The following DUSP14 variants were observed in gnomAD, a reference collection of about 807,000 sequenced individuals.
DUSP14 encodes the protein dual specificity phosphatase 14.
DUSP14 carries 5 observed loss-of-function variants against 13.2 expected under a neutral mutation model. The observed-to-expected ratio is 0.38, with a 90% CI of 0.20 to 0.80. The LOEUF (loss-of-function observed/expected upper bound fraction) is 0.80. DUSP14 is among the 30% of genes least tolerant of loss of function. The probability of loss-of-function intolerance (pLI) is 0.44; values close to 1 mark genes in which losing one functional copy is unlikely to be tolerated. For synonymous variants in DUSP14, 91 were observed against 103.4 expected (o/e 0.88, Z 0.73); for missense variants, 185 against 264.0 (o/e 0.70, Z 2.07).
rs765280614 is a variant in DUSP14, at chr17:37,512,843, C to G, written c.571C>G (p.His191Asp). 6.2e-7 allele frequency: 1 copy of G among 1,604,868 alleles called. No individual in the cohort carries two copies. The highest frequency in any genetic ancestry group is 8.5e-7 in the Non-Finnish European group (1 of 1,172,876). The change falls in exon 3 of 3, where the codon CAC becomes GAC. Residue 191 changes from histidine (H) to aspartate (D), a missense_variant. Physicochemically the swap from His to Asp is moderately conservative, Grantham distance 81. Transcript: ENST00000617516. This position sits in a 1 kb window ranked among gnomAD's most constrained non-coding sequence, Gnocchi z 4.8. ...CGACGTCTATGAGAAGGAGTCCCGA[C>G]ACCTGATGCCTTACTGGGGGATTTA... The part of the protein sequence containing the change: ...VPDVYEKESR[H>D]LMPYWGI
intron 1 of DUSP14, among the ~76,000 whole-genome samples, chr17:37,508,787 A>AC (rs1294325271): frequency 1.5e-5 from 1 of 66,790 alleles, no homozygotes; most frequent in Non-Finnish European, 2.6e-5. Context: ...ATATTTATAA[A>AC]CTTTTTTTTT....
chr17:37,508,125 G>T (rs540247042), intron 1 of DUSP14, among the ~76,000 whole-genome samples: 2 of 152,366 alleles, frequency 1.3e-5, no homozygotes, highest in East Asian at 3.9e-4. Context: ...GCGAGGCCTA[G>T]CCTCGAGTGA....
At chr17:37,505,854 A>G (rs1158020807) in intron 1 of DUSP14, among the ~76,000 whole-genome samples, 2 of 152,020 alleles carry the variant, frequency 1.3e-5, no homozygotes, top group Non-Finnish European at 2.9e-5. Flanking sequence ...ATATTAGTGT[A>G]TGCATTACTG....
At chr17:37,493,418 G>A (rs1035205967) in intron 1 of DUSP14, among the ~76,000 whole-genome samples, 1 of 152,210 alleles carries the variant, frequency 6.6e-6, no homozygotes, top group South Asian at 2.1e-4. Context: ...TTCCAAAGTG[G>A]TTGTACCAAT....
chr17:37,495,613 TGG>T (rs1350080515), intron 1 of DUSP14, among the ~76,000 whole-genome samples: 2 of 152,174 alleles, frequency 1.3e-5, no homozygotes, highest in Non-Finnish European at 2.9e-5. Context: ...CTTCCCTGCC[TGG>T]GAAAGTGACC....
intron 1 of DUSP14, among the ~76,000 whole-genome samples, chr17:37,504,517 T>C (rs2054125224): frequency 6.6e-6 from 1 of 152,210 alleles, no homozygotes; most frequent in Admixed American, 6.5e-5. Context: ...AAGTAGAAGA[T>C]GTTGAGATGT....
rs1568204463 is a variant in DUSP14, at chr17:37,509,137, A to ATATATATATATATG, written c.-180-1540_-180-1539insTATATATATATATG. 4.2e-3 allele frequency among the ~76,000 whole-genome samples: 197 copies of ATATATATATATATG among 46,400 alleles called. 13 individuals are homozygous for ATATATATATATATG. The highest frequency in any genetic ancestry group is 9.6e-3 in the East Asian group (10 of 1,044). 30.4% of individuals were successfully genotyped at this position (46,400 alleles called of 152,430 possible). On this transcript the variant is annotated intron_variant, in intron 1 of 2. Transcript: ENST00000617516. ...TATATATATATATATATACACACAC[A>ATATATATATATATG]CACACACACACACACACACACACAC...
At chr17:37,502,805 G>T (rs2054113513) in intron 1 of DUSP14, among the ~76,000 whole-genome samples, 1 of 152,154 alleles carries the variant, frequency 6.6e-6, no homozygotes, top group Admixed American at 6.5e-5. Flanking sequence ...AGTCCTAAGA[G>T]AACAAGGTAG....
chr17:37,511,585 C>CCTTTTTTTTTTTTT (rs1207586646), intron 2 of DUSP14, among the ~76,000 whole-genome samples: 74 of 87,308 alleles, frequency 8.5e-4, no homozygotes, highest in African/African-American at 3.5e-3. Context: ...CTGGCCTTTC[C>CCTTTTTTTTTTTTT]TTTTTTTTTT....
At position 37,512,744 on chromosome 17, in the gene DUSP14, C is replaced by G. The variant is rs757192993; in HGVS notation, c.472C>G (p.Leu158Val). The G allele has an allele frequency of 6.2e-7, 1 of 1,614,000 alleles. No individual in the cohort carries two copies. Among genetic ancestry groups the G allele is most frequent in the East Asian group, 2.2e-5 (1 of 44,878 alleles). Residue 158 changes from leucine (L) to valine (V), a missense_variant, in exon 3 of 3, where the codon CTG becomes GTG. Physicochemically the swap from Leu to Val is conservative, Grantham distance 32. Coordinates refer to ENST00000617516, the MANE Select transcript of DUSP14 (RefSeq NM_007026.4). This position sits in a 1 kb window ranked among gnomAD's most constrained non-coding sequence, Gnocchi z 4.8. ...IRPNVGFWRQLIDYERQLFGK... is the reference protein window; with the variant it reads ...IRPNVGFWRQVIDYERQLFGK... ...GCCCAACGTAGGCTTCTGGAGGCAA[C>G]TGATAGACTACGAGCGCCAGCTCTT...
chr17:37,506,120 C>G (rs2054136174), intron 1 of DUSP14, among the ~76,000 whole-genome samples: 1 of 151,986 alleles, frequency 6.6e-6, no homozygotes, highest in Non-Finnish European at 1.5e-5. Flanking sequence ...AAAAAATTAG[C>G]TGGGCATGGT....
At chr17:37,488,631 T>C (rs2054005190), upstream of DUSP14, among the ~76,000 whole-genome samples, 1 of 152,232 alleles carries the variant, frequency 6.6e-6, no homozygotes, top group African/African-American at 2.4e-5. Context: ...TGCCTAATTT[T>C]AAAGCTTTGA....
At chr17:37,506,269 C>G (rs2054137455) in intron 1 of DUSP14, among the ~76,000 whole-genome samples, 1 of 147,892 alleles carries the variant, frequency 6.8e-6, no homozygotes, top group South Asian at 2.2e-4. Context: ...CATCTCCCCC[C>G]CGCCCCCGTC....
intron 1 of DUSP14, among the ~76,000 whole-genome samples, chr17:37,492,763 A>G (rs370039522): frequency 1.3e-5 from 2 of 152,202 alleles, no homozygotes; most frequent in South Asian, 2.1e-4. Context: ...TAACGAAAAC[A>G]TAAGTGTAAC....
At chr17:37,498,331 T>G in intron 1 of DUSP14, among the ~76,000 whole-genome samples, 1 of 128,582 alleles carries the variant, frequency 7.8e-6, no homozygotes, top group South Asian at 2.7e-4. Flanking sequence ...TTTTTTTTTT[T>G]TTTTTTTTTT....
intron 1 of DUSP14, chr17:37,509,799 T>G (rs1016325244): frequency 9.9e-5 from 15 of 152,144 alleles, no homozygotes; most frequent in African/African-American, 2.7e-4. Context: ...TGTTTATTAT[T>G]ATGATGTACT....
chr17:37,490,530 T>C (rs2054020600), intron 1 of DUSP14, among the ~76,000 whole-genome samples: 1 of 151,654 alleles, frequency 6.6e-6, no homozygotes, highest in Non-Finnish European at 1.5e-5. Flanking sequence ...CGAAGTTGAG[T>C]TGTTGTTTGT....
At chr17:37,509,117 A>ATG (rs1315485762) in intron 1 of DUSP14, among the ~76,000 whole-genome samples, 4,253 of 40,738 alleles carry the variant, frequency 0.1, 731 homozygotes, top group African/African-American at 0.13. Context: ...ATATATATAT[A>ATG]TATATATATA....
chr17:37,503,476 G>A (rs982013748), intron 1 of DUSP14, among the ~76,000 whole-genome samples: 2 of 152,166 alleles, frequency 1.3e-5, no homozygotes, highest in Non-Finnish European at 1.5e-5. Flanking sequence ...ATGTGAGATG[G>A]GAGATGCTGT....
Sources: allele counts gnomAD v4.1 joint callset (sites outside exome capture counted in the v4.1 genomes callset), GRCh38; gene constraint gnomAD v4.1.1; non-coding constraint Gnocchi (gnomAD v3.1); transcripts MANE v1.5; gene names NCBI Gene and HGNC (gene_info 2026-07-23, HGNC 2026-07-21).